Variants in CHD7 observed in about 807,000 individuals in gnomAD.
The protein encoded by CHD7 is chromodomain helicase DNA binding protein 7.
CHD7 carries 24 observed loss-of-function variants against 307.3 expected under a neutral mutation model. The observed-to-expected ratio is 0.08, with a 90% CI of 0.06 to 0.11. The LOEUF (loss-of-function observed/expected upper bound fraction) is 0.11, where lower values mean the gene tolerates loss of function less well. Ranked by LOEUF, CHD7 falls within the 10% of genes least tolerant of loss-of-function variation. The pLI is 1.00. For synonymous variants in CHD7, 1,363 were observed against 1,349.9 expected (o/e 1.01, Z -0.21); for missense variants, 3,106 against 3,727.1 (o/e 0.83, Z 4.34).
intron 7 of CHD7, among the ~76,000 whole-genome samples, chr8:60,812,642 G>A (rs1273092334): frequency 1.4e-5 from 2 of 139,018 alleles, no homozygotes; most frequent in South Asian, 2.2e-4. Context: ...CCAGCTGGGC[G>A]ACAGTGTGAG....
At chr8:60,721,024 C>T (rs889614318) in intron 1 of CHD7, among the ~76,000 whole-genome samples, 12 of 152,184 alleles carry the variant, frequency 7.9e-5, no homozygotes, top group African/African-American at 2.9e-4. Flanking sequence ...TTCTCTTTGT[C>T]ATTCCATGTC....
At chr8:60,680,405 G>GGGGGGC (rs1805551711) in intron 1 of CHD7, among the ~76,000 whole-genome samples, 1 of 128,060 alleles carries the variant, frequency 7.8e-6, no homozygotes, top group Non-Finnish European at 1.7e-5. Flanking sequence ...TCGCGGGGGG[G>GGGGGGC]GGGGGCGGGG....
intron 23 of CHD7, among the ~76,000 whole-genome samples, chr8:60,847,608 G>A (rs1048651189): frequency 2.0e-5 from 3 of 152,216 alleles, no homozygotes; most frequent in Non-Finnish European, 4.4e-5. Flanking sequence ...TCACGTATCA[G>A]TCCTGAATGC....
chr8:60,755,134 C>A (rs563406856), intron 2 of CHD7, among the ~76,000 whole-genome samples: 18 of 152,052 alleles, frequency 1.2e-4, no homozygotes, highest in Non-Finnish European at 2.4e-4. Context: ...GCTTCTTTAT[C>A]CTAATCTGTT....
chr8:60,801,607 G>A lies in CHD7; in HGVS notation c.2442+14G>A. 1 of 1,553,382 alleles carries A rather than the reference G, an allele frequency of 6.4e-7. No homozygotes were observed. Among genetic ancestry groups the A allele is most frequent in the Non-Finnish European group, 8.7e-7 (1 of 1,142,876 alleles). ...GTAAAAAAGCAGGTGAGTGCCATTGGAGCCATTAAAATCTGTGAGGTGTAT... is the reference window on the plus strand; with the variant it reads ...GTAAAAAAGCAGGTGAGTGCCATTGAAGCCATTAAAATCTGTGAGGTGTAT... On this transcript the variant is annotated intron_variant, in intron 6 of 37. Coordinates refer to ENST00000423902, the MANE Select transcript of CHD7 (RefSeq NM_017780.4).
In CHD7 at chr8:60,829,498, C is replaced by T. The variant is rs143039313; in HGVS notation, c.3522+692C>T. 3.4e-3 allele frequency among the ~76,000 whole-genome samples: 519 copies of T among 152,044 alleles called. 5 individuals carry two copies. The highest frequency in any genetic ancestry group is 0.012 in the African/African-American group (491 of 41,476). ...CGCCTGTAGCCCCAGCTACTCTGGA[C>T]GCTGAGGCAGGAGAATCACTTGAAC... On this transcript the variant is annotated intron_variant, in intron 14 of 37. Coordinates refer to ENST00000423902, the MANE Select transcript of CHD7 (RefSeq NM_017780.4).
At chr8:60,721,435 C>T (rs773549770) in intron 1 of CHD7, among the ~76,000 whole-genome samples, 1 of 152,172 alleles carries the variant, frequency 6.6e-6, no homozygotes, top group Non-Finnish European at 1.5e-5. Flanking sequence ...TTCCAGTCTC[C>T]AGAACTGTGA....
chr8:60,803,003 A>G (rs1339632992), intron 6 of CHD7, among the ~76,000 whole-genome samples: 1 of 152,182 alleles, frequency 6.6e-6, no homozygotes, highest in Non-Finnish European at 1.5e-5. Flanking sequence ...GTGACTGGCC[A>G]TCTTGGTGAC....
intron 1 of CHD7, among the ~76,000 whole-genome samples, chr8:60,727,540 A>G (rs1332452786): frequency 6.6e-6 from 1 of 152,000 alleles, no homozygotes; most frequent in African/African-American, 2.4e-5. Flanking sequence ...TCTCTGTAGC[A>G]TTTGAACTGG....
chr8:60,803,372 C>T (rs927321683), intron 6 of CHD7, among the ~76,000 whole-genome samples: 1 of 152,132 alleles, frequency 6.6e-6, no homozygotes, highest in Admixed American at 6.6e-5. Context: ...TAGAACATTG[C>T]TTTTTCTTTC....
At chr8:60,792,076 G>A (rs1298086839) in intron 3 of CHD7, among the ~76,000 whole-genome samples, 3 of 152,094 alleles carry the variant, frequency 2.0e-5, no homozygotes, top group Non-Finnish European at 2.9e-5. Context: ...AAATATTAAC[G>A]TTATTTTACA....
At chr8:60,834,259 A>G (rs1278238379) in intron 15 of CHD7, among the ~76,000 whole-genome samples, 1 of 152,196 alleles carries the variant, frequency 6.6e-6, no homozygotes, top group Admixed American at 6.5e-5. Flanking sequence ...TTCGTTGGCC[A>G]TTAATTTGTT....
intron 2 of CHD7, among the ~76,000 whole-genome samples, chr8:60,747,781 C>T (rs1431200142): frequency 3.3e-5 from 5 of 152,176 alleles, no homozygotes; most frequent in South Asian, 2.1e-4. Flanking sequence ...GGAGCACCAC[C>T]GCTTAACGTC....
chr8:60,759,346 A>G lies in CHD7; in HGVS notation c.1665+16249A>G, dbSNP rs574233324. Among the ~76,000 whole-genome samples, 11 of 151,984 alleles carry G rather than the reference A, an allele frequency of 7.2e-5. No individual in the cohort carries two copies. In the South Asian group the frequency reaches 1.2e-3, roughly 17 times the overall value. On this transcript the variant is annotated intron_variant, in intron 2 of 37. Transcript: ENST00000423902. ...TTGGTTTTTGCTCTTAAGCAAACCT[A>G]TTGTTTCTGATGCTGTTTGCTTCTC...
rs550903283 is a variant in CHD7, at chr8:60,837,841, A to G, written c.4353+6A>G. The G allele has an allele frequency of 6.2e-7, 1 of 1,609,350 alleles. No individual in the cohort carries two copies. Among genetic ancestry groups the G allele is most frequent in the Non-Finnish European group, 8.5e-7 (1 of 1,176,798 alleles). On this transcript the variant is annotated splice_donor_region_variant and intron_variant, in intron 18 of 37. Transcript: ENST00000423902. ...GAGAAAATGCTACCAATGGGGTAAA[A>G]CCACCCTTGCCCAAACCATTTATTT...
At chr8:60,730,368 A>G (rs1808381718) in intron 1 of CHD7, among the ~76,000 whole-genome samples, 1 of 152,224 alleles carries the variant, frequency 6.6e-6, no homozygotes, top group African/African-American at 2.4e-5. Context: ...ATGAATGAAG[A>G]CATTTAATTT....
At position 60,678,996 on chromosome 8, in the gene CHD7, G is replaced by T. The variant is rs1805417634; in HGVS notation, c.-261G>T. On this transcript the variant is annotated 5_prime_UTR_variant, in exon 1 of 38. Transcript: ENST00000423902. ...TCCGTGCCCGTGGATTCAGCCCCCTGGCCGCAGCTGCCGAGCCAACTCCGG... is the reference window on the plus strand; with the variant it reads ...TCCGTGCCCGTGGATTCAGCCCCCTTGCCGCAGCTGCCGAGCCAACTCCGG... 6.6e-6 allele frequency: 1 copy of T among 151,536 alleles called. No homozygotes were observed. The highest frequency in any genetic ancestry group is 2.4e-5 in the African/African-American group (1 of 41,316). The allele number at this position is 151,536 out of a possible 1,614,324, so 9.4% of individuals were successfully genotyped here. A position where few individuals can be genotyped will look rare whatever the true frequency, so the allele number is the denominator to read the frequency against.
chr8:60,804,800 G>A (rs1244831122), intron 6 of CHD7, among the ~76,000 whole-genome samples: 2 of 152,134 alleles, frequency 1.3e-5, no homozygotes, highest in Admixed American at 1.3e-4. Flanking sequence ...CCAGGTGGCT[G>A]GAGAACTCAT....
chr8:60,854,763 T>G (rs915864592), intron 32 of CHD7, among the ~76,000 whole-genome samples: 1 of 152,116 alleles, frequency 6.6e-6, no homozygotes, highest in Non-Finnish European at 1.5e-5. Flanking sequence ...GAAATAGAAG[T>G]GTGTATATGG....
Sources: allele counts gnomAD v4.1 joint callset (sites outside exome capture counted in the v4.1 genomes callset), GRCh38; gene constraint gnomAD v4.1.1; transcripts MANE v1.5; gene names NCBI Gene and HGNC (gene_info 2026-07-23, HGNC 2026-07-21).